DPT: variants seen among roughly 807,000 people sequenced by gnomAD.
DPT encodes tyrosine-rich acidic matrix protein.
Under a neutral mutation model 31.2 loss-of-function variants are expected in DPT, and 21 were observed. The ratio of observed to expected loss-of-function variants is 0.67; its 90% CI spans 0.48 to 0.97. The LOEUF is 0.97. Ranked by LOEUF, DPT falls within the 50% of genes least tolerant of loss-of-function variation. The pLI, the probability that DPT is intolerant of heterozygous loss-of-function variation, is 0.00. For missense variants in DPT, 262 were observed against 258.8 expected (o/e 1.01, Z -0.08); for synonymous variants, 91 against 86.9 (o/e 1.05, Z -0.26).
At chr1:168,711,434 C>T (rs1649859261) in intron 2 of DPT, among the ~76,000 whole-genome samples, 1 of 152,198 alleles carries the variant, frequency 6.6e-6, no homozygotes, top group Non-Finnish European at 1.5e-5. Flanking sequence ...GGCCAGCCAA[C>T]CATGATGGCA....
Position 168,714,171 on chromosome 1 carries a change from G to C in DPT, c.431+50C>G, listed in dbSNP as rs752589394. On this transcript the variant is annotated intron_variant, in intron 2 of 3. Coordinates refer to ENST00000367817, the MANE Select transcript of DPT (RefSeq NM_001937.5). ...CCTGAAGCTAGAGCACTTCCTAGGT[G>C]CCTCTCCCACCCCAGGAGTCATGAG... The C allele has an allele frequency of 8.1e-6, 13 of 1,612,286 alleles. No individual in the cohort carries two copies. The Admixed American group carries it at 2.2e-4, about 27-fold the overall frequency.
At chr1:168,705,587 A>C (rs1380714367) in intron 2 of DPT, among the ~76,000 whole-genome samples, 3 of 152,208 alleles carry the variant, frequency 2.0e-5, no homozygotes, top group Non-Finnish European at 2.9e-5. Context: ...CTTCCAAATG[A>C]TCTTTTATAG....
chr1:168,727,525 C>CT (rs1264213250), intron 1 of DPT, among the ~76,000 whole-genome samples: 1 of 142,822 alleles, frequency 7.0e-6, no homozygotes, highest in Non-Finnish European at 1.5e-5. Flanking sequence ...TATGCTTTTT[C>CT]TTTTTTCTAT....
Position 168,696,180 on chromosome 1 carries a change from C to T in DPT, c.*369G>A. On this transcript the variant is annotated 3_prime_UTR_variant, in exon 4 of 4. Coordinates refer to ENST00000367817, the MANE Select transcript of DPT (RefSeq NM_001937.5). ...ACCTCTCCTCCAGTTCTGCCTCTCC[C>T]CTCCACTATGCTGAACTTGCAGTTC... 2.4e-6 allele frequency: 1 copy of T among 422,058 alleles called. No individual in the cohort carries two copies. Among genetic ancestry groups the T allele is most frequent in the Non-Finnish European group, 4.2e-6 (1 of 240,196 alleles). 26.1% of individuals were successfully genotyped at this position (422,058 alleles called of 1,614,324 possible). A position where few individuals can be genotyped will look rare whatever the true frequency, so the allele number is the denominator to read the frequency against.
At chr1:168,706,146 A>C (rs1649713138) in intron 2 of DPT, among the ~76,000 whole-genome samples, 1 of 152,222 alleles carries the variant, frequency 6.6e-6, no homozygotes, top group African/African-American at 2.4e-5. Context: ...ATGATGGCCA[A>C]TATAGTGAGC....
chr1:168,702,842 C>A (rs1649633047), intron 2 of DPT, among the ~76,000 whole-genome samples: 1 of 151,988 alleles, frequency 6.6e-6, no homozygotes, highest in Non-Finnish European at 1.5e-5. Flanking sequence ...GAACTCCTGA[C>A]CTTAAGTGAT....
At chr1:168,723,372 A>G (rs547261042) in intron 1 of DPT, among the ~76,000 whole-genome samples, 4 of 152,368 alleles carry the variant, frequency 2.6e-5, no homozygotes, top group African/African-American at 9.6e-5. Context: ...TTAGCTTTTG[A>G]ATAACTCATG....
chr1:168,700,441 T>C lies in DPT; in HGVS notation c.539+576A>G, dbSNP rs139965370. On this transcript the variant is annotated intron_variant, in intron 3 of 3. Transcript: ENST00000367817. ...GGTATAGCAGCCCAGACTAAGACAG[T>C]AGGTTCTGTGTGTTTCTTATCTCCA... 1.2e-3 allele frequency among the ~76,000 whole-genome samples: 187 copies of C among 152,258 alleles called. 2 individuals carry two copies. Among genetic ancestry groups the C allele is most frequent in the African/African-American group, 4.3e-3 (180 of 41,550 alleles).
intron 1 of DPT, among the ~76,000 whole-genome samples, chr1:168,722,849 AAC>A (rs10585221): frequency 0.27 from 40,799 of 149,450 alleles, 5,717 homozygotes; most frequent in East Asian, 0.45. Context: ...CCCTCAAAGA[AAC>A]ACACACACAC....
intron 1 of DPT, among the ~76,000 whole-genome samples, chr1:168,715,565 A>G (rs924889739): frequency 1.7e-5 from 2 of 116,212 alleles, no homozygotes; most frequent in Admixed American, 1.1e-4. Flanking sequence ...AAAAGATATT[A>G]TAATTCATTT....
chr1:168,718,569 T>C (rs533092143), intron 1 of DPT, among the ~76,000 whole-genome samples: 1 of 152,250 alleles, frequency 6.6e-6, no homozygotes, highest in East Asian at 1.9e-4. Context: ...CAGAGCCGGA[T>C]CTTTGTGGGG....
chr1:168,725,999 T>A (rs1361583253), intron 1 of DPT, among the ~76,000 whole-genome samples: 1 of 152,220 alleles, frequency 6.6e-6, no homozygotes. Flanking sequence ...TCACTGAGAC[T>A]GGAGGCTGAA....
chr1:168,700,172 G>A (rs995498905), intron 3 of DPT, among the ~76,000 whole-genome samples: 1 of 152,118 alleles, frequency 6.6e-6, no homozygotes, highest in African/African-American at 2.4e-5. Flanking sequence ...TTAGGGGGGT[G>A]ATTAAGCCAT....
At chr1:168,701,333 C>T (rs1313244657) in intron 2 of DPT, among the ~76,000 whole-genome samples, 1 of 152,132 alleles carries the variant, frequency 6.6e-6, no homozygotes, top group African/African-American at 2.4e-5. Context: ...GGCCATTAAA[C>T]TGTGCACTGA....
At chr1:168,726,707 T>C (rs753672350) in intron 1 of DPT, among the ~76,000 whole-genome samples, 4 of 152,228 alleles carry the variant, frequency 2.6e-5, no homozygotes, top group Admixed American at 6.5e-5. Context: ...CATGCGATAG[T>C]GCTCCTGAGA....
intron 2 of DPT, among the ~76,000 whole-genome samples, chr1:168,702,622 T>G (rs1649626395): frequency 6.6e-6 from 1 of 150,836 alleles, no homozygotes; most frequent in Non-Finnish European, 1.5e-5. Flanking sequence ...CTTTTTTTTT[T>G]TTTTTTTGAG....
intron 2 of DPT, among the ~76,000 whole-genome samples, chr1:168,711,295 C>G (rs1572628616): frequency 6.6e-6 from 1 of 152,146 alleles, no homozygotes; most frequent in African/African-American, 2.4e-5. Context: ...GCTGGGATTA[C>G]AAGTGTGAGC....
chr1:168,720,089 G>T (rs1650068339), intron 1 of DPT, among the ~76,000 whole-genome samples: 1 of 152,120 alleles, frequency 6.6e-6, no homozygotes. Context: ...CCTTGTTGAG[G>T]AATCAGCAGA....
chr1:168,696,472 C>A lies in DPT; in HGVS notation c.*77G>T. 2 of 1,286,816 alleles carry A rather than the reference C, an allele frequency of 1.6e-6. No individual in the cohort carries two copies. The highest frequency in any genetic ancestry group is 2.4e-5 in the East Asian group (1 of 42,074). 79.7% of individuals were successfully genotyped at this position (1,286,816 alleles called of 1,614,324 possible). ...GCAGCAGAAACTTCTATAGGAGATC[C>A]AACTGATGTTAACATATGTGGACAC... On this transcript the variant is annotated 3_prime_UTR_variant, in exon 4 of 4. Transcript: ENST00000367817.
Sources: allele counts gnomAD v4.1 joint callset (sites outside exome capture counted in the v4.1 genomes callset), GRCh38; gene constraint gnomAD v4.1.1; transcripts MANE v1.5; gene names NCBI Gene and HGNC (gene_info 2026-07-23, HGNC 2026-07-21).